Variants in URB2 observed in about 807,000 individuals in gnomAD.
The protein encoded by URB2 is unhealthy ribosome biogenesis protein 2 homolog.
URB2 carries 86 observed loss-of-function variants against 120.9 expected under a neutral mutation model. The ratio of observed to expected loss-of-function variants is 0.71; its 90% confidence interval spans 0.60 to 0.85. URB2 has a LOEUF of 0.85. Ranked by LOEUF, URB2 falls within the 40% of genes least tolerant of loss-of-function variation. The pLI, the probability that URB2 is intolerant of heterozygous loss-of-function variation, is 0.00. For missense variants in URB2, 1,765 were observed against 1,836.5 expected (o/e 0.96, Z 0.71); for synonymous variants, 755 against 758.4 (o/e 1.00, Z 0.07).
chr1:229,656,465 C>G (rs1256277822), intron 9 of URB2, among the ~76,000 whole-genome samples: 2 of 152,192 alleles, frequency 1.3e-5, no homozygotes, highest in Non-Finnish European at 1.5e-5. Context: ...GGGCCATAGC[C>G]TCCCAGAATC....
intron 8 of URB2, among the ~76,000 whole-genome samples, chr1:229,651,805 G>A (rs1666280674): frequency 6.6e-6 from 1 of 152,212 alleles, no homozygotes. Context: ...TATGGCAATA[G>A]CATATATTAT....
intron 9 of URB2, among the ~76,000 whole-genome samples, chr1:229,657,145 G>A (rs1221856881): frequency 6.6e-6 from 1 of 152,234 alleles, no homozygotes; most frequent in Non-Finnish European, 1.5e-5. Context: ...CTTAGAATAA[G>A]TAGTTTGTGC....
At chr1:229,629,374 C>T (rs983658108) in intron 2 of URB2, among the ~76,000 whole-genome samples, 1 of 152,180 alleles carries the variant, frequency 6.6e-6, no homozygotes, top group African/African-American at 2.4e-5. Flanking sequence ...TCATTCTGAG[C>T]AGTCTTTGTA....
rs371376380 is a variant in URB2 at position 229,638,152 on chromosome 1, A to G, written c.3539A>G (p.Gln1180Arg). 2.5e-6 allele frequency: 4 copies of G among 1,614,040 alleles called. No homozygotes were observed. The African/African-American group carries it at 5.3e-5, about 22-fold the overall frequency. ...GHDQSFQAAL[Q>R]FLTLFFLAPE... ...GATCAGTCTTTTCAGGCAGCCTTGC[A>G]GTTTTTGACTCTGTTCTTTTTGGCC... Residue 1180 changes from glutamine to arginine, a missense_variant, in exon 4 of 10, where the codon CAG (glutamine) becomes CGG (arginine). Physicochemically the swap from Gln to Arg is conservative, Grantham distance 43 (BLOSUM62 1). Coordinates refer to ENST00000258243, the MANE Select transcript of URB2 (RefSeq NM_014777.4).
rs1665840698 is a variant in URB2 at position 229,636,727 on chromosome 1, C to T, written c.2114C>T (p.Ala705Val). The T allele has an allele frequency of 1.2e-6, 2 of 1,612,724 alleles. No homozygotes were observed. The highest frequency in any genetic ancestry group is 1.7e-5 in the Admixed American group (1 of 59,698). The stretch of plus-strand genomic sequence containing the variant: ...ATCCAAAGTTTGAGGTGCGATGCTG[C>T]CTTTATTATTGGTTCCGGCAGAAAA... ...GAIQSLRCDA[A>V]FIIGSGRKSL... Residue 705 changes from alanine (A) to valine (V), a missense_variant, in exon 4 of 10, where the codon GCC becomes GTC. Ala to Val is a moderately conservative substitution (Grantham distance 64). Coordinates refer to ENST00000258243, the MANE Select transcript of URB2 (RefSeq NM_014777.4).
chr1:229,645,330 C>T (rs1228033045), intron 5 of URB2, among the ~76,000 whole-genome samples: 3 of 151,792 alleles, frequency 2.0e-5, no homozygotes, highest in African/African-American at 4.8e-5. Context: ...GTGCTTAAGA[C>T]CTCTCCCACC....
At position 229,635,416 on chromosome 1, in the gene URB2, C is replaced by G. The variant is rs114879838; in HGVS notation, c.803C>G (p.Thr268Arg). The change falls in exon 4 of 10, where the codon ACG (threonine) becomes AGG (arginine). Residue 268 changes from threonine to arginine, a missense_variant. Physicochemically the swap from Thr to Arg is moderately conservative, Grantham distance 71. Transcript: ENST00000258243. ...LLDQQQGDVKTGAMKNLLAPM... is the reference protein window; with the variant it reads ...LLDQQQGDVKRGAMKNLLAPM... ...GACCAGCAGCAAGGGGATGTGAAGA[C>G]GGGAGCCATGAAGAACCTTCTGGCT... 1 of 1,613,992 alleles carries G rather than the reference C, an allele frequency of 6.2e-7. No homozygotes were observed. Among genetic ancestry groups the G allele is most frequent in the East Asian group, 2.2e-5 (1 of 44,884 alleles).
rs187968691 is a variant in URB2, at chr1:229,640,538, A to C, written c.3634+2291A>C. ...GCCGAATCTGACCCTCGTTAATGTC[A>C]CATTAACGTCTGTGTTAAGCACACC... On this transcript the variant is annotated intron_variant, in intron 4 of 9. Transcript: ENST00000258243. Among the ~76,000 whole-genome samples the C allele has an allele frequency of 2.3e-3, 343 of 152,182 alleles. 2 individuals are homozygous for C. Among genetic ancestry groups the C allele is most frequent in the Non-Finnish European group, 3.8e-3 (259 of 68,012 alleles).
At chr1:229,638,351 G>A in intron 4 of URB2, 104 bp downstream of exon 4, 1 of 1,328,352 alleles carries the variant, frequency 7.5e-7, no homozygotes, top group Non-Finnish European at 1.0e-6. Flanking sequence ...TGTTCAAAAG[G>A]TACCACATGT....
chr1:229,650,518 T>C (rs1348104989), intron 7 of URB2, among the ~76,000 whole-genome samples: 6 of 152,036 alleles, frequency 3.9e-5, no homozygotes, highest in African/African-American at 1.4e-4. Context: ...GTAACCTCTG[T>C]CTCCTGGGTT....
At position 229,639,269 on chromosome 1, in the gene URB2, C is replaced by T. The variant is rs530542733; in HGVS notation, c.3634+1022C>T. 1.5e-3 allele frequency among the ~76,000 whole-genome samples: 223 copies of T among 151,826 alleles called. 4 individuals are homozygous for T. Among genetic ancestry groups the T allele is most frequent in the Admixed American group, 0.013 (195 of 15,254 alleles). On this transcript the variant is annotated intron_variant, in intron 4 of 9. Transcript: ENST00000258243. Reference sequence around the variant, plus strand: ...CTTGATCCTGCCATTGTACTCCAGCCTGGGTGACACAGTGAGATCCTGTCT... The same window carrying T: ...CTTGATCCTGCCATTGTACTCCAGCTTGGGTGACACAGTGAGATCCTGTCT...
chr1:229,639,422 C>T (rs1311077426), intron 4 of URB2, among the ~76,000 whole-genome samples: 5 of 151,466 alleles, frequency 3.3e-5, no homozygotes, highest in Non-Finnish European at 5.9e-5. Context: ...GCAAGCTCCG[C>T]TTCCCGGGTT....
chr1:229,637,424 G>A lies in URB2; in HGVS notation c.2811G>A (p.Leu937=), dbSNP rs1226184774. The A allele has an allele frequency of 6.2e-7, 1 of 1,614,120 alleles. No individual in the cohort carries two copies. The highest frequency in any genetic ancestry group is 8.5e-7 in the Non-Finnish European group (1 of 1,180,036). The change falls in exon 4 of 10, where the codon CTG becomes CTA. Residue 937 remains leucine (L), a synonymous_variant. Coordinates refer to ENST00000258243, the MANE Select transcript of URB2 (RefSeq NM_014777.4). ...TKLGCSCSSS[L]ALKFLTTCYQ... Reference sequence around the variant, plus strand: ...TAGGATGCTCTTGCTCCTCCTCACTGGCTCTCAAGTTCTTGACGACTTGCT... The same window carrying A: ...TAGGATGCTCTTGCTCCTCCTCACTAGCTCTCAAGTTCTTGACGACTTGCT...
chr1:229,643,219 C>A (rs1666055226), intron 4 of URB2, among the ~76,000 whole-genome samples: 1 of 152,192 alleles, frequency 6.6e-6, no homozygotes, highest in East Asian at 1.9e-4. Context: ...CCATGCAGTT[C>A]AAACATTGTT....
At chr1:229,653,732 A>G (rs1207308361) in intron 8 of URB2, among the ~76,000 whole-genome samples, 1 of 152,190 alleles carries the variant, frequency 6.6e-6, no homozygotes, top group African/African-American at 2.4e-5. Flanking sequence ...AGACAGTAGA[A>G]TGTCTGCTAA....
chr1:229,643,621 G>C lies in URB2; in HGVS notation c.3723G>C (p.Glu1241Asp). Residue 1241 changes from glutamate to aspartate, a missense_variant, in exon 5 of 10, where the codon GAG becomes GAC. By Grantham distance (45) the Glu-to-Asp change is conservative (BLOSUM62 2). Transcript: ENST00000258243. ...FTQMLEVGTT[E>D]DLRLVMQCIL... ...AAATGTTAGAGGTTGGGACGACAGA[G>C]GACTTGAGGCTGGTGATGCAGTGTA... is the stretch of plus-strand genomic sequence containing the variant. 2 of 1,614,234 alleles carry C rather than the reference G, an allele frequency of 1.2e-6. No individual in the cohort carries two copies. The highest frequency in any genetic ancestry group is 2.7e-5 in the African/African-American group (2 of 75,050).
In URB2 at chr1:229,635,541, C is replaced by T. The variant is rs747838556; in HGVS notation, c.928C>T (p.Leu310Phe). 8.1e-6 allele frequency: 13 copies of T among 1,613,962 alleles called. No homozygotes were observed. The South Asian group carries it at 1.2e-4, about 15-fold the overall frequency. The change falls in exon 4 of 10, where the codon CTC becomes TTC. Residue 310 changes from leucine to phenylalanine, a missense_variant. Transcript: ENST00000258243. ...VANSVALLYK[L>F]FLDSYFKEGN... is the part of the protein sequence containing the mutation. ...CAACTCAGTGGCCTTGCTGTATAAG[C>T]TCTTTCTAGATTCTTACTTTAAGGA...
intron 4 of URB2, among the ~76,000 whole-genome samples, chr1:229,639,998 A>G (rs1665962487): frequency 6.6e-6 from 1 of 152,236 alleles, no homozygotes; most frequent in East Asian, 1.9e-4. Flanking sequence ...CAAAAAAAGT[A>G]CAGTATGAAA....
chr1:229,648,277 A>G (rs1465388457), intron 7 of URB2, among the ~76,000 whole-genome samples: 1 of 152,256 alleles, frequency 6.6e-6, no homozygotes, highest in Admixed American at 6.5e-5. Flanking sequence ...CATTGTATAT[A>G]TGCAAATATT....
Sources: allele counts gnomAD v4.1 joint callset (sites outside exome capture counted in the v4.1 genomes callset), GRCh38; gene constraint gnomAD v4.1.1; transcripts MANE v1.5; gene names NCBI Gene and HGNC (gene_info 2026-07-23, HGNC 2026-07-21).